Variants in RALY observed in about 807,000 individuals in gnomAD.
RALY encodes the protein RNA-binding protein Raly.
A neutral mutation model predicts 30.7 loss-of-function variants in RALY; 15 were observed. That is an observed-to-expected ratio of 0.49 (90% CI 0.33 to 0.75). The LOEUF (loss-of-function observed/expected upper bound fraction) is 0.75. Ranked by LOEUF, RALY falls within the 30% of genes least tolerant of loss-of-function variation. The probability of loss-of-function intolerance (pLI) is 0.02; values close to 1 mark genes in which losing one functional copy is unlikely to be tolerated. For synonymous variants in RALY, 177 were observed against 170.8 expected (o/e 1.04, Z -0.28); for missense variants, 339 against 414.3 (o/e 0.82, Z 1.58).
rs1027631038 is a variant in RALY, at chr20:34,075,891, G to A, written c.395G>A (p.Gly132Asp). Residue 132 changes from glycine to aspartate, a missense_variant, in exon 6 of 10, where the codon GGC becomes GAC. Physicochemically the swap from Gly to Asp is moderately conservative, Grantham distance 94 (BLOSUM62 -1). This residue lies in a region of RALY where 268 missense variants were observed against 280.6 expected (regional missense o/e 0.95). Transcript: ENST00000246194. ...CCTCACAGGCTCTTCGACTACCGGG[G>A]CCGTCTGTCGCCCGTGCCAGTGCCC... ...DFYDRLFDYR[G>D]RLSPVPVPRA... The A allele has an allele frequency of 3.1e-6, 5 of 1,613,416 alleles. No individual in the cohort carries two copies. The Admixed American group carries it at 8.3e-5, about 27-fold the overall frequency.
At chr20:34,077,961 G>C (rs1265616969) in intron 8 of RALY, among the ~76,000 whole-genome samples, 1 of 152,250 alleles carries the variant, frequency 6.6e-6, no homozygotes, top group South Asian at 2.1e-4. Flanking sequence ...GCATCAGCTC[G>C]TAGGGACTGA....
At chr20:34,047,635 C>G (rs552990307) in intron 2 of RALY, among the ~76,000 whole-genome samples, 1 of 152,344 alleles carries the variant, frequency 6.6e-6, no homozygotes, top group African/African-American at 2.4e-5. Flanking sequence ...AAATCCTTCT[C>G]TGCCATTTAC....
At chr20:34,013,246 CAAAAT>C (rs1373273734) in intron 1 of RALY, among the ~76,000 whole-genome samples, 1 of 149,854 alleles carries the variant, frequency 6.7e-6, no homozygotes, top group African/African-American at 2.5e-5. Flanking sequence ...AACAAACAAA[CAAAAT>C]AAAAAAAAAA....
chr20:34,056,196 A>T (rs986062805), intron 2 of RALY, among the ~76,000 whole-genome samples: 1 of 152,150 alleles, frequency 6.6e-6, no homozygotes, highest in Non-Finnish European at 1.5e-5. Flanking sequence ...AATACATCAT[A>T]TTATTCATTA....
chr20:34,077,440 G>A, intron 8 of RALY, 195 bp downstream of exon 8: 1 of 1,281,808 alleles, frequency 7.8e-7, no homozygotes, highest in Non-Finnish European at 1.1e-6. Context: ...ACCATCAGAA[G>A]TCCCACTGAG....
intron 1 of RALY, among the ~76,000 whole-genome samples, chr20:34,014,123 C>G (rs6141443): frequency 0.15 from 23,185 of 151,994 alleles, 2,535 homozygotes; most frequent in East Asian, 0.45. Flanking sequence ...GCATGCTGGA[C>G]ATGCCTCAGA....
At chr20:34,033,664 C>T (rs1258667622) in intron 2 of RALY, among the ~76,000 whole-genome samples, 1 of 152,108 alleles carries the variant, frequency 6.6e-6, no homozygotes, top group East Asian at 1.9e-4. Context: ...GAGGGATCTG[C>T]CCCCAACGAT....
intron 2 of RALY, among the ~76,000 whole-genome samples, chr20:34,048,884 C>T: frequency 6.7e-6 from 1 of 150,182 alleles, no homozygotes; most frequent in South Asian, 2.1e-4. Flanking sequence ...TTCTCTGCAT[C>T]ACCTTTGGAT....
At chr20:34,025,233 A>G (rs2123068981) in intron 1 of RALY, among the ~76,000 whole-genome samples, 1 of 151,972 alleles carries the variant, frequency 6.6e-6, no homozygotes, top group East Asian at 1.9e-4. Context: ...CCAGAGGCCT[A>G]GAGAACGCAG....
intron 1 of RALY, among the ~76,000 whole-genome samples, chr20:34,009,965 G>A (rs2031328264): frequency 6.6e-6 from 1 of 152,112 alleles, no homozygotes; most frequent in South Asian, 2.1e-4. Flanking sequence ...TTAAGGTGCT[G>A]GTGAATCCCC....
chr20:34,067,165 T>C (rs1227983983), intron 2 of RALY, among the ~76,000 whole-genome samples: 2 of 152,212 alleles, frequency 1.3e-5, no homozygotes, highest in Non-Finnish European at 2.9e-5. Context: ...TGTAATACTG[T>C]GCAGCATTCA....
chr20:34,049,625 A>G (rs2033008943), intron 2 of RALY, among the ~76,000 whole-genome samples: 1 of 152,212 alleles, frequency 6.6e-6, no homozygotes, highest in Admixed American at 6.5e-5. Context: ...AAGACAGACA[A>G]CTTTGTAATG....
At chr20:34,055,651 T>A (rs1267784698) in intron 2 of RALY, among the ~76,000 whole-genome samples, 1 of 152,148 alleles carries the variant, frequency 6.6e-6, no homozygotes, top group Non-Finnish European at 1.5e-5. Context: ...TTTAATACAA[T>A]CTCCTCAGGT....
At position 34,016,693 on chromosome 20, in the gene RALY, A is replaced by G. The variant is rs780299821; in HGVS notation, c.-92-14829A>G. On this transcript the variant is annotated intron_variant, in intron 1 of 9. Coordinates refer to ENST00000246194, the MANE Select transcript of RALY (RefSeq NM_016732.3). ...TTCTCCACTGAAATATTAAAAACCT[A>G]TACTCATAAAGGACCCTTTCAGTTC... The G allele has an allele frequency of 8.5e-5, 13 of 152,268 alleles. No individual in the cohort carries two copies. The East Asian group carries it at 9.6e-4, about 11-fold the overall frequency. The allele number at this position is 152,268 out of a possible 1,614,324, so 9.4% of individuals were successfully genotyped here.
At chr20:34,034,721 A>C (rs1361233595) in intron 2 of RALY, among the ~76,000 whole-genome samples, 1 of 152,230 alleles carries the variant, frequency 6.6e-6, no homozygotes, top group Non-Finnish European at 1.5e-5. Flanking sequence ...TGTTGTAACA[A>C]GTTTAGCATT....
At chr20:34,005,057 A>G (rs187150122) in intron 1 of RALY, among the ~76,000 whole-genome samples, 5 of 152,326 alleles carry the variant, frequency 3.3e-5, no homozygotes, top group South Asian at 2.1e-4. Context: ...GCCTCCTTCC[A>G]GAGAGCAGCA....
intron 7 of RALY, 82 bp from the exon 8 acceptor site, chr20:34,076,946 G>T: frequency 6.2e-7 from 1 of 1,604,954 alleles, no homozygotes; most frequent in African/African-American, 1.3e-5. Context: ...CCATGCTGAG[G>T]CCAGCTTCCG....
chr20:34,047,930 A>G (rs1343519361), intron 2 of RALY, among the ~76,000 whole-genome samples: 1 of 152,020 alleles, frequency 6.6e-6, no homozygotes, highest in African/African-American at 2.4e-5. Context: ...AATACCCTGG[A>G]CCCTTGTTTC....
intron 1 of RALY, among the ~76,000 whole-genome samples, chr20:34,030,258 A>G (rs930547190): frequency 4.6e-5 from 7 of 152,226 alleles, no homozygotes; most frequent in South Asian, 4.1e-4. Context: ...TAGCTGTGCA[A>G]TGGGCAAATG....
Sources: gnomAD v4.1 joint callset for allele counts (sites outside exome capture counted in the v4.1 genomes callset) on GRCh38, gnomAD v4.1.1 for gene constraint, gnomAD v4.1.1 regional missense constraint, MANE v1.5 for transcripts, NCBI Gene and HGNC (gene_info 2026-07-23, HGNC 2026-07-21) for gene names.